NME9: variants seen among roughly 807,000 people sequenced by gnomAD.
The protein encoded by NME9 is NME/NM23 family member 9, also known as thioredoxin domain-containing protein 6.
Under a neutral mutation model 44.4 loss-of-function variants are expected in NME9, and 48 were observed. That is an observed-to-expected ratio of 1.08 (90% CI 0.86 to 1.37). NME9 has a LOEUF of 1.37. Among genes scored for constraint, NME9 ranks in the 40% most tolerant of loss-of-function variants. The pLI is 0.00. For synonymous variants in NME9, 139 were observed against 147.1 expected (o/e 0.94, Z 0.40); for missense variants, 325 against 405.2 (o/e 0.80, Z 1.70).
At chr3:138,262,888 C>T (rs1275981509) in intron 8 of NME9, among the ~76,000 whole-genome samples, 1 of 152,168 alleles carries the variant, frequency 6.6e-6, no homozygotes, top group East Asian at 1.9e-4. Context: ...AGTCACATGC[C>T]TGGGTACGTA....
intron 6 of NME9, among the ~76,000 whole-genome samples, chr3:138,314,049 A>G (rs2052895877): frequency 6.6e-6 from 1 of 152,220 alleles, no homozygotes; most frequent in South Asian, 2.1e-4. Context: ...AATAGCTAGA[A>G]GAAAATAATT....
chr3:138,310,713 CAAAT>C (rs749256185), intron 6 of NME9, among the ~76,000 whole-genome samples: 18 of 151,948 alleles, frequency 1.2e-4, no homozygotes, highest in Non-Finnish European at 1.9e-4. Context: ...TTTCTTGAAA[CAAAT>C]GAAAACGGAA....
chr3:138,273,196 A>C, intron 8 of NME9: 46 of 1,381,770 alleles, frequency 3.3e-5, no homozygotes, highest in Non-Finnish European at 4.2e-5. Context: ...CTGTGCTCTC[A>C]TTAACATCTG....
At chr3:138,292,487 T>C (rs2051057218) in intron 8 of NME9, among the ~76,000 whole-genome samples, 1 of 152,090 alleles carries the variant, frequency 6.6e-6, no homozygotes, top group Non-Finnish European at 1.5e-5. Flanking sequence ...TATTGAGAAG[T>C]GGTTGGATTC....
At chr3:138,306,189 G>T in intron 7 of NME9, 93 bp from the exon 8 acceptor site, 1 of 1,010,176 alleles carries the variant, frequency 9.9e-7, no homozygotes. Context: ...AATAAAGACA[G>T]GCAACATTAA....
intron 8 of NME9, chr3:138,288,984 C>A (rs1334622065): frequency 3.7e-6 from 5 of 1,352,898 alleles, no homozygotes; most frequent in East Asian, 5.0e-5. Flanking sequence ...TAGGTCCCCC[C>A]AAAAAAAAAT....
downstream of NME9, among the ~76,000 whole-genome samples, chr3:138,298,781 T>A (rs2051693154): frequency 6.6e-6 from 1 of 152,208 alleles, no homozygotes; most frequent in South Asian, 2.1e-4. Flanking sequence ...GTGCTCTTCG[T>A]CTACTACGCA....
intron 2 of NME9, among the ~76,000 whole-genome samples, chr3:138,321,848 G>T (rs1477011578): frequency 1.3e-5 from 2 of 151,842 alleles, no homozygotes; most frequent in East Asian, 1.9e-4. Context: ...ACTAGCGAGG[G>T]GTGGGGAGAG....
intron 4 of NME9, among the ~76,000 whole-genome samples, chr3:138,317,861 A>T (rs895791290): frequency 6.6e-6 from 1 of 152,194 alleles, no homozygotes; most frequent in Non-Finnish European, 1.5e-5. Flanking sequence ...AGTGACCACT[A>T]GGGTGCTGTG....
chr3:138,308,330 A>G (rs2052430195), intron 6 of NME9, among the ~76,000 whole-genome samples: 1 of 152,168 alleles, frequency 6.6e-6, no homozygotes. Context: ...CCTCTTATCA[A>G]CACAGTTCCT....
intron 8 of NME9, chr3:138,262,622 C>T (rs954406315): frequency 1.3e-6 from 2 of 1,547,960 alleles, no homozygotes; most frequent in African/African-American, 1.4e-5. Flanking sequence ...AATTTAGGTG[C>T]CTAGCCCTGA....
chr3:138,295,936 T>G (rs760850010), intron 8 of NME9: 9 of 1,602,256 alleles, frequency 5.6e-6, no homozygotes, highest in Admixed American at 1.7e-5. Context: ...CCTCCTTGTT[T>G]AAGGAAGTAC....
chr3:138,263,583 T>C (rs1031160070), intron 8 of NME9: 3 of 681,586 alleles, frequency 4.4e-6, no homozygotes, highest in Non-Finnish European at 7.9e-6. Context: ...TCTGATGAGC[T>C]GCCCGCCCCC....
intron 8 of NME9, among the ~76,000 whole-genome samples, chr3:138,267,932 A>G (rs541220309): frequency 3.3e-5 from 5 of 152,260 alleles, no homozygotes; most frequent in Non-Finnish European, 5.9e-5. Flanking sequence ...TATAATTAAG[A>G]AAGGTAGTAT....
chr3:138,261,616 T>G (rs1353902661), exon 9 of NME9: 1 of 152,204 alleles, frequency 6.6e-6, no homozygotes, highest in Non-Finnish European at 1.5e-5. Context: ...TTATTGTATA[T>G]ATGCCCATTT....
chr3:138,314,376 T>G lies in NME9; in HGVS notation c.416A>C (p.Glu139Ala), dbSNP rs1370133160. The G allele has an allele frequency of 6.2e-7, 1 of 1,609,396 alleles. No individual in the cohort carries two copies. Among genetic ancestry groups the G allele is most frequent in the Non-Finnish European group, 8.5e-7 (1 of 1,176,322 alleles). ...IKDEALSDEDECVSHGKNNGE... is the reference protein window; with the variant it reads ...IKDEALSDEDACVSHGKNNGE... ...ATTATTCTTTCCATGGGAAACACAT[T>G]CATCTTCATCAGAAAGAGCCTCATC... Residue 139 changes from glutamate (E) to alanine (A), a missense_variant, in exon 6 of 11, where the codon GAA becomes GCA. By Grantham distance (107) the Glu-to-Ala change is moderately radical (BLOSUM62 -1). Coordinates refer to ENST00000333911, the MANE Select transcript of NME9 (RefSeq NM_001349018.2).
intron 1 of NME9, among the ~76,000 whole-genome samples, chr3:138,328,516 G>A (rs1189905137): frequency 6.6e-6 from 1 of 152,100 alleles, no homozygotes; most frequent in Non-Finnish European, 1.5e-5. Context: ...TATTATCTAG[G>A]AGGCGCTGTA....
At chr3:138,288,438 C>A (rs2050628618) in intron 8 of NME9, among the ~76,000 whole-genome samples, 1 of 152,164 alleles carries the variant, frequency 6.6e-6, no homozygotes, top group African/African-American at 2.4e-5. Context: ...AAACTGTACC[C>A]ATAGCCCTAG....
chr3:138,299,189 A>G (rs1023314972), downstream of NME9, among the ~76,000 whole-genome samples: 3 of 152,164 alleles, frequency 2.0e-5, no homozygotes, highest in African/African-American at 7.2e-5. Flanking sequence ...GCATGAGAGA[A>G]GGTCCAGGAT....
Sources: gnomAD v4.1 joint callset for allele counts (sites outside exome capture counted in the v4.1 genomes callset) on GRCh38, gnomAD v4.1.1 for gene constraint, MANE v1.5 for transcripts, NCBI Gene and HGNC (gene_info 2026-07-23, HGNC 2026-07-21) for gene names.